The following DLGAP2 variants were observed in gnomAD, a reference collection of about 807,000 sequenced individuals.
DLGAP2 encodes disks large-associated protein 2.
A neutral mutation model predicts 100.3 loss-of-function variants in DLGAP2; 26 were observed. The observed-to-expected ratio is 0.26, with a 90% CI of 0.19 to 0.36. DLGAP2 has a LOEUF of 0.36. DLGAP2 is among the 10% of genes least tolerant of loss of function. DLGAP2 has a pLI of 1.00. For synonymous variants in DLGAP2, 886 were observed against 630.1 expected (o/e 1.41, Z -6.08); for missense variants, 1,858 against 1,453.2 (o/e 1.28, Z -4.53).
chr8:1,230,091 A>T (rs1798504242), intron 2 of DLGAP2, among the ~76,000 whole-genome samples: 2 of 145,994 alleles, frequency 1.4e-5, no homozygotes, highest in Non-Finnish European at 2.9e-5. Context: ...CACAGATGAT[A>T]TGATTCTATA....
chr8:1,502,031 C>T (rs1563186809), intron 4 of DLGAP2, among the ~76,000 whole-genome samples: 1 of 152,220 alleles, frequency 6.6e-6, no homozygotes, highest in Non-Finnish European at 1.5e-5. Flanking sequence ...GAACAAGGCC[C>T]AATGCTTCTG....
At chr8:870,253 T>G (rs565478214) in intron 1 of DLGAP2, among the ~76,000 whole-genome samples, 2 of 152,338 alleles carry the variant, frequency 1.3e-5, no homozygotes, top group Non-Finnish European at 2.9e-5. Context: ...TGTCATCACT[T>G]AACAAGTGCG....
chr8:1,432,625 G>T (rs1474473610), intron 3 of DLGAP2, among the ~76,000 whole-genome samples: 2 of 152,188 alleles, frequency 1.3e-5, no homozygotes, highest in Non-Finnish European at 2.9e-5. Flanking sequence ...TAAGTTAATT[G>T]TAAAAACACA....
intron 2 of DLGAP2, among the ~76,000 whole-genome samples, chr8:1,076,277 G>T (rs1257605782): frequency 6.6e-6 from 1 of 152,200 alleles, no homozygotes; most frequent in Admixed American, 6.5e-5. Flanking sequence ...GGTTGGGAAT[G>T]GCATGAGCCC....
At chr8:1,120,048 TATA>T (rs1428328015) in intron 2 of DLGAP2, among the ~76,000 whole-genome samples, 6 of 152,146 alleles carry the variant, frequency 3.9e-5, no homozygotes, top group African/African-American at 1.2e-4. Context: ...GGCAGCAACT[TATA>T]ACAAAAACAG....
intron 1 of DLGAP2, among the ~76,000 whole-genome samples, chr8:742,599 C>T (rs1820514989): frequency 1.3e-5 from 2 of 152,174 alleles, no homozygotes; most frequent in Non-Finnish European, 2.9e-5. Flanking sequence ...GTCTTGACCT[C>T]CTGGGCACGA....
intron 2 of DLGAP2, among the ~76,000 whole-genome samples, chr8:1,042,760 G>GTGGATGTGGGTGA (rs1802392271): frequency 8.0e-6 from 1 of 124,528 alleles, no homozygotes; most frequent in Admixed American, 9.4e-5. Flanking sequence ...GATGTAGGTG[G>GTGGATGTGGGTGA]TGGATGTGGG....
intron 2 of DLGAP2, among the ~76,000 whole-genome samples, chr8:1,129,689 A>G (rs1796245296): frequency 6.6e-6 from 1 of 152,050 alleles, no homozygotes; most frequent in African/African-American, 2.4e-5. Flanking sequence ...ATACAGTTCG[A>G]GTTGGTGCTG....
intron 3 of DLGAP2, among the ~76,000 whole-genome samples, chr8:1,353,902 C>T (rs925023638): frequency 6.6e-6 from 1 of 151,936 alleles, no homozygotes; most frequent in African/African-American, 2.4e-5. Flanking sequence ...AAAAAATCAG[C>T]GAAGGGGAAA....
At chr8:1,429,806 AG>A (rs1238335604) in intron 3 of DLGAP2, among the ~76,000 whole-genome samples, 1 of 151,076 alleles carries the variant, frequency 6.6e-6, no homozygotes, top group Non-Finnish European at 1.5e-5. Flanking sequence ...GCAGAAAAGC[AG>A]GGTTTTTCTG....
intron 2 of DLGAP2, among the ~76,000 whole-genome samples, chr8:965,198 A>T (rs1446945834): frequency 4.4e-5 from 6 of 135,178 alleles, no homozygotes; most frequent in Non-Finnish European, 9.3e-5. Context: ...TGTTCACCAC[A>T]CAGGGCTCCT....
chr8:782,068 G>T (rs1419809108), intron 1 of DLGAP2, among the ~76,000 whole-genome samples: 1 of 152,090 alleles, frequency 6.6e-6, no homozygotes, highest in African/African-American at 2.4e-5. Context: ...ACCTGGAAGA[G>T]AAAAATTTGA....
chr8:1,678,200 C>T lies in DLGAP2; in HGVS notation c.2289-14C>T. The T allele has an allele frequency of 2.5e-6, 4 of 1,596,800 alleles. No individual in the cohort carries two copies. Among genetic ancestry groups the T allele is most frequent in the Non-Finnish European group, 3.4e-6 (4 of 1,169,872 alleles). On this transcript the variant is annotated splice_polypyrimidine_tract_variant and intron_variant, in intron 11 of 14. Transcript: ENST00000637795. ...AGAAGGGCTACCATCTGTCTTCCTT[C>T]CCTCCTTTTGCAGACACGGACGTTT...
intron 8 of DLGAP2, among the ~76,000 whole-genome samples, chr8:1,644,633 C>A (rs1311430533): frequency 1.3e-5 from 2 of 152,210 alleles, no homozygotes; most frequent in Non-Finnish European, 2.9e-5. Context: ...AGCCACATAG[C>A]ACATTTACTG....
intron 2 of DLGAP2, among the ~76,000 whole-genome samples, chr8:1,166,950 G>A (rs1797028390): frequency 6.6e-6 from 1 of 152,106 alleles, no homozygotes; most frequent in African/African-American, 2.4e-5. Context: ...TTCAGGATCA[G>A]CCTAGGCAAC....
intron 2 of DLGAP2, among the ~76,000 whole-genome samples, chr8:1,195,938 CTTAA>C (rs1287725679): frequency 1.3e-5 from 2 of 152,182 alleles, no homozygotes; most frequent in Non-Finnish European, 2.9e-5. Flanking sequence ...TTTGTTTCAA[CTTAA>C]TTAATAGTTA....
intron 1 of DLGAP2, among the ~76,000 whole-genome samples, chr8:888,278 C>G (rs1385411012): frequency 6.6e-6 from 1 of 152,152 alleles, no homozygotes; most frequent in Non-Finnish European, 1.5e-5. Flanking sequence ...TTAGCAATTC[C>G]TCTAACCTTT....
chr8:808,951 G>A (rs539758404), intron 1 of DLGAP2, among the ~76,000 whole-genome samples: 1 of 147,000 alleles, frequency 6.8e-6, no homozygotes, highest in African/African-American at 2.5e-5. Context: ...CTGTCCCCCA[G>A]GCTGAAGTGC....
chr8:833,991 C>T (rs547422214), intron 1 of DLGAP2, among the ~76,000 whole-genome samples: 5 of 152,204 alleles, frequency 3.3e-5, no homozygotes, highest in Non-Finnish European at 5.9e-5. Flanking sequence ...GCAGTGGGCT[C>T]GCCCTTGTGT....
Sources: gnomAD v4.1 joint callset for allele counts (sites outside exome capture counted in the v4.1 genomes callset) on GRCh38, gnomAD v4.1.1 for gene constraint, MANE v1.5 for transcripts, NCBI Gene and HGNC (gene_info 2026-07-23, HGNC 2026-07-21) for gene names.